ADK: variants seen among roughly 807,000 people sequenced by gnomAD.
ADK encodes the protein adenosine kinase, also known as N6,N6-dimethyladenosine kinase.
A neutral mutation model predicts 44.7 loss-of-function variants in ADK; 24 were observed. The observed-to-expected ratio is 0.54, with a 90% CI of 0.39 to 0.76. The LOEUF is 0.76. Among genes scored for constraint, ADK ranks in the 30% least tolerant of loss-of-function variants. The pLI is 0.00. For missense variants in ADK, 321 were observed against 425.1 expected (o/e 0.76, Z 2.15); for synonymous variants, 128 against 142.6 (o/e 0.90, Z 0.73).
chr10:74,376,518 T>G (rs924542694), intron 4 of ADK, among the ~76,000 whole-genome samples: 3 of 152,142 alleles, frequency 2.0e-5, no homozygotes, highest in South Asian at 2.1e-4. Flanking sequence ...GTACCTCTCC[T>G]ATGAAGCAAG....
chr10:74,353,693 C>A (rs190419126), intron 4 of ADK, among the ~76,000 whole-genome samples: 1 of 151,746 alleles, frequency 6.6e-6, no homozygotes, highest in Non-Finnish European at 1.5e-5. Context: ...ATGGTGAAAC[C>A]CTGTTTCTAC....
chr10:74,224,592 G>A lies in ADK; in HGVS notation c.194+1G>A. 1 of 1,612,784 alleles carries A rather than the reference G, an allele frequency of 6.2e-7. No homozygotes were observed. The highest frequency in any genetic ancestry group is 8.5e-7 in the Non-Finnish European group (1 of 1,178,948). On this transcript the variant is annotated splice_donor_variant, in intron 3 of 10. Coordinates refer to ENST00000539909, the MANE Select transcript of ADK (RefSeq NM_006721.4). LOFTEE classifies it high-confidence loss of function. ...TGGCTGAAGACAAACACAAGGAACT[G>A]TAAGTGCATTAAACCATTGGTTGTA...
At position 74,190,352 on chromosome 10, in the gene ADK, G is replaced by A. The variant is rs115423225; in HGVS notation, c.66-10412G>A. On this transcript the variant is annotated intron_variant, in intron 1 of 10. Transcript: ENST00000539909. ...CATAGCCTTGACTTCCTGTTTTGCC[G>A]AGCTTCATGCTCAGTCAGTGGTGAT... is the stretch of plus-strand genomic sequence containing the variant. Among the ~76,000 whole-genome samples, 369 of 152,282 alleles carry A rather than the reference G, an allele frequency of 2.4e-3. 2 individuals carry two copies. The highest frequency in any genetic ancestry group is 8.5e-3 in the African/African-American group (352 of 41,550).
chr10:74,586,533 A>G (rs188582526), intron 7 of ADK, among the ~76,000 whole-genome samples: 34 of 152,292 alleles, frequency 2.2e-4, no homozygotes, highest in Admixed American at 2.0e-3. Flanking sequence ...GCTCCATACC[A>G]TAACAGATCA....
intron 7 of ADK, among the ~76,000 whole-genome samples, chr10:74,536,411 C>T (rs879769212): frequency 6.6e-5 from 10 of 151,580 alleles, no homozygotes; most frequent in African/African-American, 2.2e-4. Context: ...AATACCATTG[C>T]TATGTTCTTG....
intron 6 of ADK, among the ~76,000 whole-genome samples, chr10:74,499,328 ATTAATG>A (rs1251782631): frequency 6.6e-6 from 1 of 152,194 alleles, no homozygotes; most frequent in Non-Finnish European, 1.5e-5. Flanking sequence ...AGTCTTCTGT[ATTAATG>A]TTTAACATAT....
At chr10:74,569,853 C>T (rs141223133) in intron 7 of ADK, among the ~76,000 whole-genome samples, 318 of 152,266 alleles carry the variant, frequency 2.1e-3, no homozygotes, top group Non-Finnish European at 4.0e-3. Context: ...TTGCCCATGC[C>T]TATGTCCTGA....
chr10:74,314,769 A>T (rs201219225), intron 4 of ADK, 24 bp downstream of exon 4: 64 of 1,500,472 alleles, frequency 4.3e-5, no homozygotes, highest in Admixed American at 3.5e-4. Context: ...TTTAAAAGTT[A>T]AAAGGATTCA....
rs562906343 is a variant in ADK, at chr10:74,246,957, A to T, written c.194+22366A>T. Among the ~76,000 whole-genome samples the T allele has an allele frequency of 4.3e-3, 659 of 152,086 alleles. 3 individuals are homozygous for T. Among genetic ancestry groups the T allele is most frequent in the Middle Eastern group, 0.01 (3 of 294 alleles). The stretch of plus-strand genomic sequence containing the variant: ...TTTATTCTTAAAATAATAAATATTT[A>T]AAAAAGTTATATTTTAACTTCTAAT... On this transcript the variant is annotated intron_variant, in intron 3 of 10. Coordinates refer to ENST00000539909, the MANE Select transcript of ADK (RefSeq NM_006721.4).
At chr10:74,297,577 C>T (rs995175089) in intron 3 of ADK, among the ~76,000 whole-genome samples, 1 of 152,096 alleles carries the variant, frequency 6.6e-6, no homozygotes, top group African/African-American at 2.4e-5. Context: ...GAACTGAGCC[C>T]AAGTGAATAA....
chr10:74,351,123 A>T (rs1841949429), intron 4 of ADK, among the ~76,000 whole-genome samples: 1 of 152,274 alleles, frequency 6.6e-6, no homozygotes, highest in South Asian at 2.1e-4. Flanking sequence ...GAGACACAAC[A>T]AAAAAAGAAA....
At chr10:74,674,041 G>A (rs1855291912) in intron 10 of ADK, among the ~76,000 whole-genome samples, 1 of 152,118 alleles carries the variant, frequency 6.6e-6, no homozygotes, top group South Asian at 2.1e-4. Flanking sequence ...TGGGTGGGGT[G>A]GGCCATGGGT....
intron 7 of ADK, among the ~76,000 whole-genome samples, chr10:74,587,791 C>G (rs1036195441): frequency 6.6e-6 from 1 of 151,414 alleles, no homozygotes; most frequent in Non-Finnish European, 1.5e-5. Context: ...GTAATATTGC[C>G]TCCCTTTTCT....
At chr10:74,448,512 C>T (rs1845664004) in intron 6 of ADK, among the ~76,000 whole-genome samples, 1 of 151,966 alleles carries the variant, frequency 6.6e-6, no homozygotes, top group African/African-American at 2.4e-5. Context: ...GTATTTATTA[C>T]ATGCAATTTC....
intron 4 of ADK, among the ~76,000 whole-genome samples, chr10:74,381,067 G>A (rs929534585): frequency 6.6e-6 from 1 of 151,958 alleles, no homozygotes; most frequent in African/African-American, 2.4e-5. Context: ...TCAGTGTATG[G>A]GACTGATAAA....
At chr10:74,494,245 A>G (rs1032625856) in intron 6 of ADK, among the ~76,000 whole-genome samples, 2 of 152,116 alleles carry the variant, frequency 1.3e-5, no homozygotes, top group Admixed American at 6.6e-5. Flanking sequence ...ATTTTTAATC[A>G]CCTCACCTAT....
intron 3 of ADK, among the ~76,000 whole-genome samples, chr10:74,244,886 A>T (rs1845357004): frequency 6.6e-6 from 1 of 152,224 alleles, no homozygotes; most frequent in South Asian, 2.1e-4. Flanking sequence ...TAGAGTCAAA[A>T]TGGTTAGTTA....
At chr10:74,249,262 A>G (rs944726531) in intron 3 of ADK, among the ~76,000 whole-genome samples, 3 of 152,210 alleles carry the variant, frequency 2.0e-5, no homozygotes, top group African/African-American at 7.2e-5. Flanking sequence ...AGAGGAAAAT[A>G]GTGTTCTTAC....
chr10:74,366,795 T>G (rs1037339508), intron 4 of ADK, among the ~76,000 whole-genome samples: 3 of 152,092 alleles, frequency 2.0e-5, no homozygotes, highest in African/African-American at 7.2e-5. Context: ...CCAAGCATGG[T>G]GGTACACACC....
Sources: gnomAD v4.1 joint callset for allele counts (sites outside exome capture counted in the v4.1 genomes callset) on GRCh38, gnomAD v4.1.1 for gene constraint, MANE v1.5 for transcripts, NCBI Gene and HGNC (gene_info 2026-07-23, HGNC 2026-07-21) for gene names.